The following MBD2 variants were observed in gnomAD, a reference collection of about 807,000 sequenced individuals.
MBD2 encodes methyl-CpG-binding domain protein 2.
In MBD2, 9 loss-of-function variants were observed where a neutral mutation model predicts 39.3. The ratio of observed to expected loss-of-function variants is 0.23; its 90% CI spans 0.14 to 0.40. The LOEUF (loss-of-function observed/expected upper bound fraction) is 0.40. Among genes scored for constraint, MBD2 ranks in the 10% least tolerant of loss-of-function variants. The pLI, the probability that MBD2 is intolerant of heterozygous loss-of-function variation, is 1.00. For missense variants in MBD2, 458 were observed against 532.6 expected (o/e 0.86, Z 1.38); for synonymous variants, 233 against 211.1 (o/e 1.10, Z -0.90).
At chr18:54,194,596 T>A (rs923704674) in intron 2 of MBD2, among the ~76,000 whole-genome samples, 2 of 151,526 alleles carry the variant, frequency 1.3e-5, no homozygotes, top group Non-Finnish European at 2.9e-5. Flanking sequence ...AAAAATTTTT[T>A]AAATAATTTT....
chr18:54,155,435 T>C (rs982833668), intron 6 of MBD2, 124 bp from the exon 7 acceptor site: 1 of 152,194 alleles, frequency 6.6e-6, no homozygotes, highest in Non-Finnish European at 1.5e-5. Flanking sequence ...TTTTACAGCC[T>C]TGATGAACAT....
Position 54,224,168 on chromosome 18 carries a change from G to C in MBD2, c.392C>G (p.Ser131Trp), listed in dbSNP as rs955088364. 17 of 1,410,594 alleles carry C rather than the reference G, an allele frequency of 1.2e-5. No individual in the cohort carries two copies. The highest frequency in any genetic ancestry group is 2.9e-5 in the East Asian group (1 of 33,970). The allele number at this position is 1,410,594 out of a possible 1,614,324, so 87.4% of individuals were successfully genotyped here. A position where few individuals can be genotyped will look rare whatever the true frequency, so the allele number is the denominator to read the frequency against. Residue 131 changes from serine (S) to tryptophan (W), a missense_variant, in exon 1 of 7, where the codon TCG (serine) becomes TGG (tryptophan). Physicochemically the swap from Ser to Trp is radical, Grantham distance 177 (BLOSUM62 -3). Coordinates refer to ENST00000256429, the MANE Select transcript of MBD2 (RefSeq NM_003927.5). ...APRREPVPFPSGSAGPGPRGP... is the reference protein window; with the variant it reads ...APRREPVPFPWGSAGPGPRGP... The stretch of plus-strand genomic sequence containing the variant: ...CCTGGGCCCCGGCCCCGCGCTCCCC[G>C]ACGGGAAAGGGACCGGCTCCCGCCG...
At chr18:54,200,693 G>A (rs2926999) in intron 2 of MBD2, among the ~76,000 whole-genome samples, 60,858 of 148,660 alleles carry the variant, frequency 0.41, 12,490 homozygotes, top group East Asian at 0.57. Context: ...GCATATTGAG[G>A]CGCAAAGCTT....
chr18:54,206,132 T>C (rs1568091227), intron 1 of MBD2, among the ~76,000 whole-genome samples: 3 of 152,212 alleles, frequency 2.0e-5, no homozygotes. Context: ...AACATGCTTG[T>C]ACAATGCTGA....
Position 54,208,292 on chromosome 18 carries a change from C to A in MBD2, c.543-3135G>T, listed in dbSNP as rs375248890. ...CAGATCACCTGAGTTCGGGAGTTTGCGACCAGCCTGACCAACATGGAGAAA... is the reference window on the plus strand; with the variant it reads ...CAGATCACCTGAGTTCGGGAGTTTGAGACCAGCCTGACCAACATGGAGAAA... On this transcript the variant is annotated intron_variant, in intron 1 of 6. Transcript: ENST00000256429. 3.0e-4 allele frequency among the ~76,000 whole-genome samples: 46 copies of A among 152,116 alleles called. 1 individual carries two copies. The South Asian group carries it at 3.7e-3, about 12-fold the overall frequency.
chr18:54,168,631 G>T (rs867965318), intron 3 of MBD2, among the ~76,000 whole-genome samples: 3 of 127,620 alleles, frequency 2.4e-5, no homozygotes, highest in African/African-American at 1.3e-4. Context: ...GTGTGTGTGT[G>T]TGTGTGTGTG....
At chr18:54,177,988 C>T (rs903816300) in intron 3 of MBD2, among the ~76,000 whole-genome samples, 1 of 151,914 alleles carries the variant, frequency 6.6e-6, no homozygotes, top group Non-Finnish European at 1.5e-5. Context: ...TACAGGCCCA[C>T]ACCACTGCGC....
chr18:54,176,612 C>T (rs1320313768), intron 3 of MBD2, among the ~76,000 whole-genome samples: 1 of 152,168 alleles, frequency 6.6e-6, no homozygotes, highest in Non-Finnish European at 1.5e-5. Context: ...GTGTTTCCTG[C>T]CAAGAAGAAA....
At chr18:54,185,636 C>T (rs1055231427) in intron 3 of MBD2, among the ~76,000 whole-genome samples, 3 of 152,014 alleles carry the variant, frequency 2.0e-5, no homozygotes, top group African/African-American at 4.8e-5. Context: ...CTAAAAAGAC[C>T]TTGAGATGTG....
chr18:54,204,057 C>G (rs550817595), intron 2 of MBD2, among the ~76,000 whole-genome samples: 1 of 152,272 alleles, frequency 6.6e-6, no homozygotes, highest in South Asian at 2.1e-4. Context: ...TTCCTGGGTC[C>G]AAAGCCCTTC....
At chr18:54,165,606 A>G (rs973095375) in intron 4 of MBD2, among the ~76,000 whole-genome samples, 1 of 152,202 alleles carries the variant, frequency 6.6e-6, no homozygotes, top group African/African-American at 2.4e-5. Context: ...TTGCTGGACC[A>G]AAGTGCATCT....
chr18:54,162,715 C>T (rs530166494), intron 5 of MBD2, among the ~76,000 whole-genome samples: 2 of 152,180 alleles, frequency 1.3e-5, no homozygotes, highest in Non-Finnish European at 2.9e-5. Context: ...TTTTCTTCCT[C>T]AAGGGTAAGA....
intron 2 of MBD2, among the ~76,000 whole-genome samples, chr18:54,201,366 G>A (rs1599099299): frequency 6.6e-6 from 1 of 152,078 alleles, no homozygotes; most frequent in African/African-American, 2.4e-5. Context: ...GGTGGTGGTT[G>A]GAAATAATTA....
intron 3 of MBD2, among the ~76,000 whole-genome samples, chr18:54,176,800 C>A (rs952094467): frequency 6.6e-6 from 1 of 152,160 alleles, no homozygotes. Context: ...TAGATAATGA[C>A]AAGAAAATTA....
intron 1 of MBD2, among the ~76,000 whole-genome samples, chr18:54,222,750 A>G (rs1438707510): frequency 1.3e-5 from 2 of 152,234 alleles, no homozygotes; most frequent in Admixed American, 1.3e-4. Context: ...ACTTACTACA[A>G]CTACTCATCC....
intron 3 of MBD2, among the ~76,000 whole-genome samples, chr18:54,182,119 T>C (rs944430395): frequency 5.9e-5 from 9 of 152,338 alleles, no homozygotes; most frequent in African/African-American, 2.2e-4. Context: ...CAGTATCCCA[T>C]TGTTTAGAAA....
At chr18:54,201,354 G>C (rs1003917173) in intron 2 of MBD2, among the ~76,000 whole-genome samples, 1 of 152,180 alleles carries the variant, frequency 6.6e-6, no homozygotes, top group Non-Finnish European at 1.5e-5. Flanking sequence ...TGAAGAGATG[G>C]AGGTGGTGGT....
At chr18:54,223,926 C>A in intron 1 of MBD2, 92 bp downstream of exon 1, 1 of 1,111,994 alleles carries the variant, frequency 9.0e-7, no homozygotes, top group South Asian at 1.5e-5. Context: ...ACATGCCCCC[C>A]GGGCCCCAGC....
intron 3 of MBD2, among the ~76,000 whole-genome samples, chr18:54,170,690 C>T (rs780798688): frequency 1.3e-4 from 20 of 152,176 alleles, no homozygotes; most frequent in Non-Finnish European, 2.1e-4. Flanking sequence ...AATCGGCAAT[C>T]GCTGCCCTCC....
Sources: allele counts gnomAD v4.1 joint callset (sites outside exome capture counted in the v4.1 genomes callset), GRCh38; gene constraint gnomAD v4.1.1; transcripts MANE v1.5; gene names NCBI Gene and HGNC (gene_info 2026-07-23, HGNC 2026-07-21).